GCG: variants seen among roughly 807,000 people sequenced by gnomAD.
GCG encodes the protein pro-glucagon.
In GCG, 11 loss-of-function variants were observed where a neutral mutation model predicts 22.8. That is an observed-to-expected ratio of 0.48 (90% CI 0.30 to 0.80). The LOEUF (loss-of-function observed/expected upper bound fraction) is 0.80, where lower values mean the gene tolerates loss of function less well. Ranked by LOEUF, GCG falls within the 30% of genes least tolerant of loss-of-function variation. The pLI is 0.06. For missense variants in GCG, 222 were observed against 222.0 expected (o/e 1.00, Z 0.00); for synonymous variants, 89 against 72.4 (o/e 1.23, Z -1.16).
At chr2:162,148,047 T>C (rs942241514) in intron 2 of GCG, among the ~76,000 whole-genome samples, 4 of 152,160 alleles carry the variant, frequency 2.6e-5, no homozygotes, top group Non-Finnish European at 4.4e-5. Context: ...ATAATCCCTA[T>C]GCCACTAATC....
At position 162,145,571 on chromosome 2, in the gene GCG, C is replaced by G; in HGVS notation, c.361G>C (p.Ala121Pro). 1 of 1,610,896 alleles carries G rather than the reference C, an allele frequency of 6.2e-7. No homozygotes were observed. Among genetic ancestry groups the G allele is most frequent in the African/African-American group, 1.3e-5 (1 of 74,894 alleles). ...CTTCCTCGGCCTTTCACCAGCCAAG[C>G]AATGAATTCCTTGGCAGCTTGGCCT... ...LEGQAAKEFI[A>P]WLVKGRGRRD... is the part of the protein sequence containing the mutation. Residue 121 changes from alanine to proline, a missense_variant, in exon 4 of 6, where the codon GCT becomes CCT. Transcript: ENST00000418842.
In GCG at chr2:162,145,702, T is replaced by C. The variant is rs188121036; in HGVS notation, c.255-25A>G. ...CCTGAAAGAAATGTGAAAGTTAAATTGAAGATCTGTCTCTTTGGCAATATG... is the reference window on the plus strand; with the variant it reads ...CCTGAAAGAAATGTGAAAGTTAAATCGAAGATCTGTCTCTTTGGCAATATG... On this transcript the variant is annotated intron_variant, in intron 3 of 5. Coordinates refer to ENST00000418842, the MANE Select transcript of GCG (RefSeq NM_002054.5). 1.8e-5 allele frequency: 29 copies of C among 1,602,382 alleles called. No homozygotes were observed. The Admixed American group carries it at 3.7e-4, about 21-fold the overall frequency.
intron 2 of GCG, among the ~76,000 whole-genome samples, chr2:162,148,586 G>A (rs988308448): frequency 2.6e-5 from 4 of 151,992 alleles, no homozygotes; most frequent in Non-Finnish European, 5.9e-5. Context: ...TACAGTTTAC[G>A]TAAAACACAG....
intron 2 of GCG, 48 bp downstream of exon 2, chr2:162,149,039 T>C (rs753698087): frequency 1.2e-5 from 13 of 1,125,882 alleles, no homozygotes; most frequent in Non-Finnish European, 1.8e-5. Flanking sequence ...TTCACAGGCT[T>C]TATTCCAACC....
chr2:162,147,534 G>A lies in GCG; in HGVS notation c.93-20C>T. 1 of 1,610,148 alleles carries A rather than the reference G, an allele frequency of 6.2e-7. No homozygotes were observed. Among genetic ancestry groups the A allele is most frequent in the African/African-American group, 1.3e-5 (1 of 74,900 alleles). On this transcript the variant is annotated intron_variant, in intron 2 of 5. Coordinates refer to ENST00000418842, the MANE Select transcript of GCG (RefSeq NM_002054.5). ...AATGATCTGTGAAGAACAGTGATTGGTACAACATAAATCTCTCCTCAAGAG... is the reference window on the plus strand; with the variant it reads ...AATGATCTGTGAAGAACAGTGATTGATACAACATAAATCTCTCCTCAAGAG...
At chr2:162,143,462 T>C in intron 5 of GCG, 92 bp from the exon 6 acceptor site, 1 of 557,530 alleles carries the variant, frequency 1.8e-6, no homozygotes, top group Non-Finnish European at 3.2e-6. Flanking sequence ...TTTATTTTGA[T>C]AAAAGTTGTT....
Position 162,147,712 on chromosome 2 carries a change from A to G in GCG, c.93-198T>C, listed in dbSNP as rs74595309. ...TTTTAGTATAGTTGCATACGCTATTATTCTGAATTCTAGAAACATGTTTCT... is the reference window on the plus strand; with the variant it reads ...TTTTAGTATAGTTGCATACGCTATTGTTCTGAATTCTAGAAACATGTTTCT... On this transcript the variant is annotated intron_variant, in intron 2 of 5. Coordinates refer to ENST00000418842, the MANE Select transcript of GCG (RefSeq NM_002054.5). The G allele has an allele frequency of 6.3e-6, 4 of 636,422 alleles. No homozygotes were observed. In the South Asian group the frequency reaches 6.7e-5, roughly 11 times the overall value. 39.4% of individuals were successfully genotyped at this position (636,422 alleles called of 1,614,324 possible).
chr2:162,145,749 C>A, intron 3 of GCG, 72 bp from the exon 4 acceptor site: 2 of 1,325,418 alleles, frequency 1.5e-6, no homozygotes, highest in East Asian at 2.4e-5. Flanking sequence ...TAAGCAGTGG[C>A]AACTTTGGGT....
Position 162,145,620 on chromosome 2 carries a change from G to A in GCG, c.312C>T (p.Thr104=), listed in dbSNP as rs1559749198. ...EFERHAEGTF[T]SDVSSYLEGQ... Reference sequence around the variant, plus strand: ...CTTCCAAATAAGAACTTACATCACTGGTAAAGGTCCCTTCAGCATGTCTCT... The same window carrying A: ...CTTCCAAATAAGAACTTACATCACTAGTAAAGGTCCCTTCAGCATGTCTCT... The change falls in exon 4 of 6, where the codon ACC becomes ACT. Residue 104 remains threonine (T), a synonymous_variant. Transcript: ENST00000418842. 5 of 1,610,210 alleles carry A rather than the reference G, an allele frequency of 3.1e-6. No individual in the cohort carries two copies. Among genetic ancestry groups the A allele is most frequent in the Non-Finnish European group, 4.2e-6 (5 of 1,177,660 alleles).
intron 4 of GCG, 125 bp from the exon 5 acceptor site, chr2:162,144,295 G>T: frequency 1.3e-6 from 1 of 760,014 alleles, no homozygotes; most frequent in Non-Finnish European, 2.2e-6. Flanking sequence ...GTTTTTAAAG[G>T]GTGTACTGTG....
intron 5 of GCG, 101 bp from the exon 6 acceptor site, chr2:162,143,471 T>C: frequency 1.9e-6 from 1 of 529,626 alleles, no homozygotes. Context: ...ATAAAAGTTG[T>C]TTATTAATCC....
At chr2:162,143,975 T>G in intron 5 of GCG, 52 bp downstream of exon 5, 1 of 1,507,800 alleles carries the variant, frequency 6.6e-7, no homozygotes, top group Non-Finnish European at 9.2e-7. Flanking sequence ...AGTATGACAA[T>G]CAGTACTTAT....
intron 1 of GCG, among the ~76,000 whole-genome samples, chr2:162,150,740 C>T (rs1032457752): frequency 6.6e-6 from 1 of 151,992 alleles, no homozygotes; most frequent in African/African-American, 2.4e-5. Flanking sequence ...CTTGTAAAAG[C>T]TTTTAGTCTT....
In GCG at chr2:162,146,538, TTCTCTCTCTCTCTCTC is replaced by T. The variant is rs59717414; in HGVS notation, c.254+799_254+814del. Among the ~76,000 whole-genome samples the T allele has an allele frequency of 5.1e-3, 675 of 133,512 alleles. 5 individuals are homozygous for T. The highest frequency in any genetic ancestry group is 0.02 in the African/African-American group (637 of 32,664). 87.6% of individuals were successfully genotyped at this position (133,512 alleles called of 152,430 possible). A position where few individuals can be genotyped will look rare whatever the true frequency, so the allele number is the denominator to read the frequency against. On this transcript the variant is annotated intron_variant, in intron 3 of 5. Transcript: ENST00000418842. Reference sequence around the variant, plus strand: ...TTCTCCTATTCCTCCTGCTTGCTTGTTCTCTCTCTCTCTCTCTCTCTCTCTCTCTCTCTCTCCTTTC... The same window carrying T: ...TTCTCCTATTCCTCCTGCTTGCTTGTTCTCTCTCTCTCTCTCTCTCCTTTC...
intron 2 of GCG, 87 bp from the exon 3 acceptor site, chr2:162,147,601 C>A: frequency 8.7e-7 from 1 of 1,144,280 alleles, no homozygotes; most frequent in Non-Finnish European, 1.3e-6. Context: ...AATACAAGAC[C>A]ATATAAAACA....
At chr2:162,147,270 TA>T (rs1686711535) in intron 3 of GCG, 82 bp downstream of exon 3, 1 of 1,015,632 alleles carries the variant, frequency 9.8e-7, no homozygotes, top group African/African-American at 1.6e-5. Flanking sequence ...TTGACGAGCA[TA>T]AGAACTTAAT....
chr2:162,148,462 T>G (rs1309984607), intron 2 of GCG, among the ~76,000 whole-genome samples: 1 of 152,080 alleles, frequency 6.6e-6, no homozygotes, highest in Non-Finnish European at 1.5e-5. Context: ...TATGCTGCCA[T>G]TAAATATCAT....
chr2:162,144,472 G>T (rs191322490), intron 4 of GCG: 26 of 233,728 alleles, frequency 1.1e-4, no homozygotes, highest in African/African-American at 9.0e-4. Flanking sequence ...GAGATTATTA[G>T]TCTGTAATTC....
At chr2:162,150,134 G>A (rs1686796633) in intron 1 of GCG, among the ~76,000 whole-genome samples, 1 of 152,046 alleles carries the variant, frequency 6.6e-6, no homozygotes, top group African/African-American at 2.4e-5. Context: ...CATGAATGTG[G>A]GACAGAATGT....
Sources: gnomAD v4.1 joint callset for allele counts (sites outside exome capture counted in the v4.1 genomes callset) on GRCh38, gnomAD v4.1.1 for gene constraint, MANE v1.5 for transcripts, NCBI Gene and HGNC (gene_info 2026-07-23, HGNC 2026-07-21) for gene names.